The following LRRFIP1 variants were observed in gnomAD, a reference collection of about 807,000 sequenced individuals.
The protein encoded by LRRFIP1 is LRR binding FLII interacting protein 1, also known as leucine-rich repeat flightless-interacting protein 1.
In LRRFIP1, 62 loss-of-function variants were observed where a neutral mutation model predicts 104.4. That is an observed-to-expected ratio of 0.59 (90% CI 0.48 to 0.73). The LOEUF (loss-of-function observed/expected upper bound fraction) is 0.73, where lower values mean the gene tolerates loss of function less well. Among genes scored for constraint, LRRFIP1 ranks in the 30% least tolerant of loss-of-function variants. The pLI is 0.00. For synonymous variants in LRRFIP1, 300 were observed against 299.0 expected, an observed-to-expected ratio of 1.00 and a Z score of -0.03; for missense variants, 796 against 824.5, an observed-to-expected ratio of 0.97 and a Z score of 0.42.
At chr2:237,765,970 T>C (rs1032985583) in intron 19 of LRRFIP1, 22 of 952,132 alleles carry the variant, frequency 2.3e-5, no homozygotes, top group Non-Finnish European at 2.8e-5. Context: ...TACTGTTGTA[T>C]GTAATACCAC....
At position 237,735,138 on chromosome 2, in the gene LRRFIP1, C is replaced by T; in HGVS notation, c.490-130C>T. On this transcript the variant is annotated intron_variant, in intron 9 of 23. Coordinates refer to ENST00000308482, the MANE Select transcript of LRRFIP1 (RefSeq NM_001137550.2). The surrounding 1 kb of genome is among the most constrained non-coding windows in gnomAD (Gnocchi z 4.6). Reference sequence around the variant, plus strand: ...AAGAGCTGGAAAGGTGGTTCTCAGCCTCCCCTGCATGCTTTTTCAGGTCAT... The same window carrying T: ...AAGAGCTGGAAAGGTGGTTCTCAGCTTCCCCTGCATGCTTTTTCAGGTCAT... The T allele has an allele frequency of 1.5e-6, 1 of 668,024 alleles. No homozygotes were observed. Among genetic ancestry groups the T allele is most frequent in the South Asian group, 1.9e-5 (1 of 52,284 alleles). The allele number at this position is 668,024 out of a possible 1,614,324, so 41.4% of individuals were successfully genotyped here. A position where few individuals can be genotyped will look rare whatever the true frequency, so the allele number is the denominator to read the frequency against.
intron 1 of LRRFIP1, among the ~76,000 whole-genome samples, chr2:237,695,260 T>C (rs1036408795): frequency 1.3e-5 from 2 of 152,166 alleles, no homozygotes; most frequent in East Asian, 3.8e-4. Flanking sequence ...TCAGCCTGAG[T>C]TAATATCCCA....
chr2:237,751,400 A>C, intron 14 of LRRFIP1, 129 bp downstream of exon 14: 1 of 707,642 alleles, frequency 1.4e-6, no homozygotes, highest in South Asian at 1.9e-5. Context: ...AGAAGAACTC[A>C]CAATGGCAGG....
intron 23 of LRRFIP1, among the ~76,000 whole-genome samples, chr2:237,776,762 G>A (rs528368188): frequency 6.6e-6 from 1 of 152,228 alleles, no homozygotes; most frequent in Non-Finnish European, 1.5e-5. Context: ...GCATCCCTTG[G>A]CTTCCAGTCT....
intron 19 of LRRFIP1, chr2:237,769,165 G>C (rs763420146): frequency 6.6e-6 from 1 of 152,182 alleles, no homozygotes; most frequent in Non-Finnish European, 1.5e-5. Context: ...TGCAGCATAC[G>C]TTATCATCAC....
intron 1 of LRRFIP1, among the ~76,000 whole-genome samples, chr2:237,668,116 G>A (rs915045727): frequency 6.6e-6 from 1 of 151,862 alleles, no homozygotes; most frequent in Non-Finnish European, 1.5e-5. Flanking sequence ...CCACCTCAGA[G>A]CTGCCTGAGC....
In LRRFIP1 at chr2:237,642,466, G is replaced by A. The variant is rs961726204; in HGVS notation, c.96+14726G>A. On this transcript the variant is annotated intron_variant, in intron 1 of 23. Transcript: ENST00000308482. ...CCAGGCTCCAGGCTCCAGGTTCCAG[G>A]CTGAGGGTTTCAGGTTCCGGGTTCC... Among the ~76,000 whole-genome samples, 48 of 151,840 alleles carry A rather than the reference G, an allele frequency of 3.2e-4. 1 individual carries two copies. Among genetic ancestry groups the A allele is most frequent in the African/African-American group, 1.1e-3 (47 of 41,324 alleles).
At chr2:237,763,569 C>T (rs1260441752) in intron 19 of LRRFIP1, 1 of 1,612,844 alleles carries the variant, frequency 6.2e-7, no homozygotes, top group Non-Finnish European at 8.5e-7. Context: ...AGAAAGTCAG[C>T]AGTGGAAGCC....
chr2:237,686,387 A>C (rs1039578364), intron 1 of LRRFIP1, among the ~76,000 whole-genome samples: 1 of 152,226 alleles, frequency 6.6e-6, no homozygotes, highest in Admixed American at 6.5e-5. Context: ...TTTTTAAAAG[A>C]GTTTCTATTC....
rs1257700145 is a variant in LRRFIP1, at chr2:237,712,064, C to G, written c.184-2195C>G. 2.0e-5 allele frequency among the ~76,000 whole-genome samples: 3 copies of G among 152,146 alleles called. No homozygotes were observed. The East Asian group carries it at 5.8e-4, about 29-fold the overall frequency. ...CGTGACTAGTCAGAGAAGCCTGGGG[C>G]GGGGGGACATCCCAGAGCTCCTGCC... On this transcript the variant is annotated intron_variant, in intron 2 of 23. Coordinates refer to ENST00000308482, the MANE Select transcript of LRRFIP1 (RefSeq NM_001137550.2).
chr2:237,715,677 C>G (rs775943677), intron 3 of LRRFIP1, among the ~76,000 whole-genome samples: 1 of 152,250 alleles, frequency 6.6e-6, no homozygotes, highest in Non-Finnish European at 1.5e-5. Flanking sequence ...GAGGAGGCGG[C>G]GATTGCGCCT....
intron 4 of LRRFIP1, among the ~76,000 whole-genome samples, chr2:237,718,684 A>G (rs1380399410): frequency 3.3e-5 from 5 of 152,222 alleles, no homozygotes; most frequent in Admixed American, 1.3e-4. Flanking sequence ...CAGGATGGAA[A>G]TGTCCTATTA....
intron 1 of LRRFIP1, among the ~76,000 whole-genome samples, chr2:237,673,082 A>G (rs2149560462): frequency 6.6e-6 from 1 of 152,382 alleles, no homozygotes; most frequent in Non-Finnish European, 1.5e-5. Context: ...TCTTCAGGTG[A>G]AATGAAACCC....
chr2:237,741,428 A>G (rs2095411290), intron 11 of LRRFIP1, among the ~76,000 whole-genome samples: 1 of 152,264 alleles, frequency 6.6e-6, no homozygotes, highest in African/African-American at 2.4e-5. Flanking sequence ...AGCAATAAAC[A>G]TAAGCTGACT....
At chr2:237,701,083 A>G (rs747962669) in intron 1 of LRRFIP1, among the ~76,000 whole-genome samples, 3 of 152,190 alleles carry the variant, frequency 2.0e-5, no homozygotes, top group African/African-American at 7.2e-5. Flanking sequence ...AAAAGCTTCA[A>G]TGCTCAGGAA....
intron 8 of LRRFIP1, chr2:237,729,888 A>T (rs869434): frequency 1.2e-5 from 11 of 881,672 alleles, no homozygotes; most frequent in Non-Finnish European, 1.5e-5. Context: ...GAAACCGCAG[A>T]TTTTGTAGCA....
chr2:237,772,810 T>G lies in LRRFIP1; in HGVS notation c.1628-56T>G, dbSNP rs148076615. 1.6e-4 allele frequency: 194 copies of G among 1,180,290 alleles called. 3 individuals carry two copies. The African/African-American group carries it at 2.7e-3, about 16-fold the overall frequency. 73.1% of individuals were successfully genotyped at this position (1,180,290 alleles called of 1,614,324 possible). A position where few individuals can be genotyped will look rare whatever the true frequency, so the allele number is the denominator to read the frequency against. ...GGCTTGGTTCCCAGTAACTATTGTTTTAATATTTGAAAAGCCCAAGAGCTT... is the reference window on the plus strand; with the variant it reads ...GGCTTGGTTCCCAGTAACTATTGTTGTAATATTTGAAAAGCCCAAGAGCTT... On this transcript the variant is annotated intron_variant, in intron 21 of 23. Transcript: ENST00000308482.
rs1576483285 is a variant in LRRFIP1, at chr2:237,780,844, A to G, written c.*1312A>G. Among the ~76,000 whole-genome samples the G allele has an allele frequency of 6.6e-6, 1 of 152,238 alleles. No homozygotes were observed. Among genetic ancestry groups the G allele is most frequent in the Non-Finnish European group, 1.5e-5 (1 of 68,046 alleles). On this transcript the variant is annotated 3_prime_UTR_variant, in exon 24 of 24. Coordinates refer to ENST00000308482, the MANE Select transcript of LRRFIP1 (RefSeq NM_001137550.2). Reference sequence around the variant, plus strand: ...GCATTAAGAAAGAGATGAAATCTCTATTAAAATACACAAGATTTTTGTATC... The same window carrying G: ...GCATTAAGAAAGAGATGAAATCTCTGTTAAAATACACAAGATTTTTGTATC...
intron 6 of LRRFIP1, chr2:237,721,448 G>C (rs1052715666): frequency 2.6e-5 from 4 of 152,196 alleles, no homozygotes; most frequent in Non-Finnish European, 4.4e-5. Flanking sequence ...CTTGAAAAAA[G>C]TGTGAGTTTG....
Sources: allele counts gnomAD v4.1 joint callset (sites outside exome capture counted in the v4.1 genomes callset), GRCh38; gene constraint gnomAD v4.1.1; non-coding constraint Gnocchi (gnomAD v3.1); transcripts MANE v1.5; gene names NCBI Gene and HGNC (gene_info 2026-07-23, HGNC 2026-07-21).